Variants in BTBD9 observed in about 807,000 individuals in gnomAD.
The protein encoded by BTBD9 is BTB domain containing 9, also known as BTB/POZ domain-containing protein 9.
BTBD9 carries 49 observed loss-of-function variants against 64.3 expected under a neutral mutation model. That is an observed-to-expected ratio of 0.76 (90% CI 0.61 to 0.97). The LOEUF (loss-of-function observed/expected upper bound fraction) is 0.97, where lower values mean the gene tolerates loss of function less well. Ranked by LOEUF, BTBD9 falls within the 50% of genes least tolerant of loss-of-function variation. The probability of loss-of-function intolerance (pLI) is 0.00; values close to 1 mark genes in which losing one functional copy is unlikely to be tolerated. For synonymous variants in BTBD9, 260 were observed against 274.7 expected (o/e 0.95, Z 0.53); for missense variants, 598 against 762.1 (o/e 0.78, Z 2.53).
chr6:38,313,902 C>G (rs899265072), intron 7 of BTBD9, among the ~76,000 whole-genome samples: 4 of 150,934 alleles, frequency 2.7e-5, no homozygotes, highest in Non-Finnish European at 4.4e-5. Flanking sequence ...GGTGCATACC[C>G]CCACATCCGG....
Position 38,561,844 on chromosome 6 carries a change from G to A in BTBD9, c.1154+15756C>T, listed in dbSNP as rs538035188. Among the ~76,000 whole-genome samples, 121 of 152,256 alleles carry A rather than the reference G, an allele frequency of 7.9e-4. No homozygotes were observed. The Middle Eastern group carries it at 0.01, about 13-fold the overall frequency. On this transcript the variant is annotated intron_variant, in intron 6 of 10. Transcript: ENST00000481247. ...TGGGTACTATGCTCACTACCTGGGT[G>A]ACAGGACCATTTGTAACCTAAACCT...
At chr6:38,506,216 C>T (rs952638249) in intron 6 of BTBD9, among the ~76,000 whole-genome samples, 1 of 152,110 alleles carries the variant, frequency 6.6e-6, no homozygotes, top group African/African-American at 2.4e-5. Context: ...TTCCAATAAA[C>T]CCATCATAAG....
At chr6:38,445,772 A>G (rs2127324196) in intron 6 of BTBD9, among the ~76,000 whole-genome samples, 1 of 152,358 alleles carries the variant, frequency 6.6e-6, no homozygotes, top group Middle Eastern at 3.4e-3. Flanking sequence ...TGTGGAATTT[A>G]CAATTCCAGA....
chr6:38,288,741 A>G (rs1278102573), intron 7 of BTBD9, among the ~76,000 whole-genome samples: 4 of 150,442 alleles, frequency 2.7e-5, no homozygotes, highest in African/African-American at 9.8e-5. Flanking sequence ...AGACCAGCCA[A>G]CATGGTGAAA....
rs140772166 is a variant in BTBD9 at position 38,311,730 on chromosome 6, T to G, written c.1265-23269A>C. Among the ~76,000 whole-genome samples the G allele has an allele frequency of 3.0e-3, 453 of 152,330 alleles. 3 individuals are homozygous for G. Among genetic ancestry groups the G allele is most frequent in the African/African-American group, 0.01 (429 of 41,574 alleles). Reference sequence around the variant, plus strand: ...ACAAGGGTTCCCTTTTCCCCACATCTTTGTCAACATTTGTTATTGTCTGTC... The same window carrying G: ...ACAAGGGTTCCCTTTTCCCCACATCGTTGTCAACATTTGTTATTGTCTGTC... On this transcript the variant is annotated intron_variant, in intron 7 of 10. Coordinates refer to ENST00000481247, the MANE Select transcript of BTBD9 (RefSeq NM_001099272.2).
chr6:38,534,475 CA>C (rs57383061), intron 6 of BTBD9, among the ~76,000 whole-genome samples: 6,569 of 94,844 alleles, frequency 0.069, 160 homozygotes, highest in East Asian at 0.2. Context: ...TCAAACTGTT[CA>C]AAAAAAAAAA....
chr6:38,199,712 A>G (rs191992079), intron 9 of BTBD9, among the ~76,000 whole-genome samples: 12 of 152,336 alleles, frequency 7.9e-5, no homozygotes, highest in Admixed American at 7.8e-4. Flanking sequence ...CTGAAAGGGC[A>G]TCCCAGTGAG....
chr6:38,266,614 G>GA (rs1185963975), intron 8 of BTBD9, among the ~76,000 whole-genome samples: 1 of 9,854 alleles, frequency 1.0e-4, no homozygotes, highest in Non-Finnish European at 2.1e-4. Context: ...AGGAAAGAAA[G>GA]AAAGAAAGAA....
At chr6:38,517,099 C>T (rs937280170) in intron 6 of BTBD9, among the ~76,000 whole-genome samples, 3 of 152,210 alleles carry the variant, frequency 2.0e-5, no homozygotes, top group Non-Finnish European at 4.4e-5. Flanking sequence ...CCACTCCACT[C>T]TACCTCAGTC....
intron 7 of BTBD9, among the ~76,000 whole-genome samples, chr6:38,344,509 G>C (rs1582264518): frequency 6.6e-6 from 1 of 152,072 alleles, no homozygotes; most frequent in Non-Finnish European, 1.5e-5. Flanking sequence ...CTTTCTTGAG[G>C]CTACTTCGGG....
chr6:38,283,397 C>T (rs984926020), intron 8 of BTBD9, among the ~76,000 whole-genome samples: 5 of 152,168 alleles, frequency 3.3e-5, no homozygotes, highest in African/African-American at 1.2e-4. Flanking sequence ...CCTGTAATCC[C>T]AGCACTTTGG....
intron 4 of BTBD9, among the ~76,000 whole-genome samples, chr6:38,585,770 C>T (rs973598044): frequency 1.3e-5 from 2 of 152,162 alleles, no homozygotes; most frequent in Non-Finnish European, 2.9e-5. Flanking sequence ...CACTGTGCTA[C>T]TAGGTAGGTG....
At chr6:38,561,528 A>G (rs1221685723) in intron 6 of BTBD9, among the ~76,000 whole-genome samples, 2 of 152,244 alleles carry the variant, frequency 1.3e-5, no homozygotes, top group Non-Finnish European at 2.9e-5. Context: ...ACAATAGCAA[A>G]GAGATAGACT....
intron 1 of BTBD9, among the ~76,000 whole-genome samples, chr6:38,637,256 C>A (rs909970543): frequency 6.6e-6 from 1 of 152,220 alleles, no homozygotes; most frequent in African/African-American, 2.4e-5. Flanking sequence ...GTCTTAACTT[C>A]TTTGTCTTCC....
intron 6 of BTBD9, among the ~76,000 whole-genome samples, chr6:38,379,490 A>C (rs1765837407): frequency 6.6e-6 from 1 of 152,216 alleles, no homozygotes; most frequent in South Asian, 2.1e-4. Context: ...AAGAAGTATG[A>C]AATTCAATTT....
At chr6:38,574,385 A>AAACAGAAACAACC in intron 6 of BTBD9, among the ~76,000 whole-genome samples, 1 of 152,300 alleles carries the variant, frequency 6.6e-6, no homozygotes, top group African/African-American at 2.4e-5. Flanking sequence ...GGTTGTTAAG[A>AAACAGAAACAACC]TAAAACTGTT....
At chr6:38,199,249 C>A (rs763182478) in intron 9 of BTBD9, among the ~76,000 whole-genome samples, 14 of 151,924 alleles carry the variant, frequency 9.2e-5, no homozygotes, top group Admixed American at 2.0e-4. Flanking sequence ...GATGGTGAGA[C>A]CCCCCCAGTT....
chr6:38,193,809 A>C (rs1762182571), intron 9 of BTBD9: 2 of 985,216 alleles, frequency 2.0e-6, no homozygotes, highest in Non-Finnish European at 2.4e-6. Flanking sequence ...ATGTATTTGC[A>C]GTTTGTTTTT....
At chr6:38,175,263 T>C in intron 10 of BTBD9, 81 bp from the exon 11 acceptor site, 1 of 1,457,506 alleles carries the variant, frequency 6.9e-7, no homozygotes. Context: ...GATACTGCCC[T>C]GCCCAGCTTT....
Sources: gnomAD v4.1 joint callset for allele counts (sites outside exome capture counted in the v4.1 genomes callset) on GRCh38, gnomAD v4.1.1 for gene constraint, MANE v1.5 for transcripts, NCBI Gene and HGNC (gene_info 2026-07-23, HGNC 2026-07-21) for gene names.